The following SMARCAL1 variants were observed in gnomAD, a reference collection of about 807,000 sequenced individuals.
SMARCAL1 encodes the protein SNF2 related chromatin remodeling annealing helicase 1, also known as ATP-driven annealing helicase.
A neutral mutation model predicts 94.5 loss-of-function variants in SMARCAL1; 58 were observed. That is an observed-to-expected ratio of 0.61 (90% CI 0.50 to 0.76). The LOEUF (loss-of-function observed/expected upper bound fraction) is 0.76, where lower values mean the gene tolerates loss of function less well. Among genes scored for constraint, SMARCAL1 ranks in the 30% least tolerant of loss-of-function variants. SMARCAL1 has a pLI of 0.00. For missense variants in SMARCAL1, 1,051 were observed against 1,177.9 expected, an observed-to-expected ratio of 0.89 and a Z score of 1.58; for synonymous variants, 422 against 455.1, an observed-to-expected ratio of 0.93 and a Z score of 0.93.
intron 12 of SMARCAL1, among the ~76,000 whole-genome samples, chr2:216,460,500 G>C (rs1306643503): frequency 6.6e-6 from 1 of 152,140 alleles, no homozygotes; most frequent in Non-Finnish European, 1.5e-5. Flanking sequence ...GGAATACTAT[G>C]CAGCTATGAG....
At position 216,475,739 on chromosome 2, in the gene SMARCAL1, C is replaced by T. The variant is rs745619672; in HGVS notation, c.2427+288C>T. On this transcript the variant is annotated intron_variant, in intron 15 of 17. Transcript: ENST00000357276. The surrounding 1 kb of genome is among the most constrained non-coding windows in gnomAD (Gnocchi z 4.4). Reference sequence around the variant, plus strand: ...AAGCGATTCCCCTGCCTCAGCCTCCCGAGTAGCTAGGATTACAGGTGTGAG... The same window carrying T: ...AAGCGATTCCCCTGCCTCAGCCTCCTGAGTAGCTAGGATTACAGGTGTGAG... Among the ~76,000 whole-genome samples the T allele has an allele frequency of 6.6e-5, 10 of 152,116 alleles. No homozygotes were observed. In the South Asian group the frequency reaches 1.3e-3, roughly 19 times the overall value.
chr2:216,458,046 T>C (rs1210519626), intron 12 of SMARCAL1, among the ~76,000 whole-genome samples: 2 of 151,952 alleles, frequency 1.3e-5, no homozygotes, highest in African/African-American at 2.4e-5. Flanking sequence ...ATCAGAGATA[T>C]TATAAACACC....
intron 5 of SMARCAL1, among the ~76,000 whole-genome samples, chr2:216,421,493 T>C (rs1053136051): frequency 2.0e-5 from 3 of 152,146 alleles, no homozygotes; most frequent in Admixed American, 6.5e-5. Context: ...AAGTAAGGTT[T>C]CATCATGTTG....
chr2:216,449,823 G>A (rs964649107), intron 11 of SMARCAL1, among the ~76,000 whole-genome samples: 76 of 151,614 alleles, frequency 5.0e-4, no homozygotes, highest in South Asian at 2.7e-3. Context: ...TGAGGGATAG[G>A]GTTTTTAATG....
intron 17 of SMARCAL1, among the ~76,000 whole-genome samples, chr2:216,480,042 AC>A (rs1695163583): frequency 1.3e-5 from 2 of 152,150 alleles, no homozygotes. Flanking sequence ...ACAGAGACAG[AC>A]CTTGTCTCAA....
intron 5 of SMARCAL1, among the ~76,000 whole-genome samples, chr2:216,422,867 T>G (rs1693754648): frequency 6.6e-6 from 1 of 152,246 alleles, no homozygotes; most frequent in Non-Finnish European, 1.5e-5. Flanking sequence ...GGTAGAAAGA[T>G]GCTCACCTTT....
At chr2:216,468,092 C>A in intron 14 of SMARCAL1, 46 bp downstream of exon 14, 1 of 1,367,608 alleles carries the variant, frequency 7.3e-7, no homozygotes, top group South Asian at 1.2e-5. Context: ...TGCCATGTCC[C>A]AAGTTGTTCT....
chr2:216,447,271 G>A (rs1694339744), intron 11 of SMARCAL1, 113 bp downstream of exon 11: 14 of 1,321,102 alleles, frequency 1.1e-5, no homozygotes, highest in Non-Finnish European at 1.5e-5. Context: ...CTGGCCAGGG[G>A]AATGGATTTT....
At chr2:216,459,346 T>C (rs1314450170) in intron 12 of SMARCAL1, among the ~76,000 whole-genome samples, 1 of 152,162 alleles carries the variant, frequency 6.6e-6, no homozygotes, top group Non-Finnish European at 1.5e-5. Context: ...TTAAAGTTCA[T>C]ATGGAACCAA....
intron 12 of SMARCAL1, among the ~76,000 whole-genome samples, chr2:216,454,004 T>A (rs1333910541): frequency 6.6e-6 from 1 of 152,250 alleles, no homozygotes; most frequent in Non-Finnish European, 1.5e-5. Flanking sequence ...TCATCTTTTG[T>A]CTAAAGCCAT....
intron 12 of SMARCAL1, among the ~76,000 whole-genome samples, chr2:216,457,787 C>G (rs1574472301): frequency 6.6e-6 from 1 of 152,048 alleles, no homozygotes; most frequent in Admixed American, 6.6e-5. Context: ...ACTAGAGAAG[C>G]AAGAGCAAAC....
intron 5 of SMARCAL1, among the ~76,000 whole-genome samples, chr2:216,422,180 G>C (rs769323548): frequency 6.6e-6 from 1 of 152,062 alleles, no homozygotes; most frequent in Non-Finnish European, 1.5e-5. Context: ...ACAGGAGTTC[G>C]AGACCAGCCT....
chr2:216,465,479 C>CA (rs145550132), intron 13 of SMARCAL1, among the ~76,000 whole-genome samples: 12,282 of 152,200 alleles, frequency 0.081, 1,214 homozygotes, highest in African/African-American at 0.23. Flanking sequence ...AGACAAATGT[C>CA]AAAGTTTGTT....
In SMARCAL1 at chr2:216,428,633, C is replaced by T. The variant is rs1420647752; in HGVS notation, c.1185C>T (p.Asp395=). 1.9e-6 allele frequency: 3 copies of T among 1,614,024 alleles called. No homozygotes were observed. The highest frequency in any genetic ancestry group is 2.5e-6 in the Non-Finnish European group (3 of 1,180,044). ...KVRCLPQVQL[D]PLPTTLTLAF... ...GCTGCCTCCCACAAGTTCAGCTGGACCCTCTGCCCACGACTCTCACCCTGG... is the reference window on the plus strand; with the variant it reads ...GCTGCCTCCCACAAGTTCAGCTGGATCCTCTGCCCACGACTCTCACCCTGG... The change falls in exon 7 of 18, where the codon GAC becomes GAT. Residue 395 remains aspartate (D), a synonymous_variant. Transcript: ENST00000357276.
At chr2:216,439,967 G>C (rs1209457357) in intron 10 of SMARCAL1, among the ~76,000 whole-genome samples, 1 of 151,828 alleles carries the variant, frequency 6.6e-6, no homozygotes, top group Non-Finnish European at 1.5e-5. Flanking sequence ...GCTTGAACCT[G>C]GGAGGCAGAG....
intron 6 of SMARCAL1, among the ~76,000 whole-genome samples, chr2:216,428,181 T>C (rs867676490): frequency 1.3e-5 from 2 of 152,232 alleles, no homozygotes; most frequent in Non-Finnish European, 2.9e-5. Flanking sequence ...GTAGTTCCAC[T>C]GCCAGAGGTC....
chr2:216,472,856 C>T (rs185160976), intron 14 of SMARCAL1, among the ~76,000 whole-genome samples: 17 of 152,044 alleles, frequency 1.1e-4, no homozygotes, highest in East Asian at 7.7e-4. Flanking sequence ...TGAAAGTGTA[C>T]GAAGATGGAC....
At chr2:216,457,795 A>AG (rs999326854) in intron 12 of SMARCAL1, among the ~76,000 whole-genome samples, 4 of 152,062 alleles carry the variant, frequency 2.6e-5, no homozygotes, top group Middle Eastern at 3.2e-3. Flanking sequence ...AGCAAGAGCA[A>AG]ACATTCAAAA....
chr2:216,416,950 T>G (rs545516338), intron 4 of SMARCAL1, among the ~76,000 whole-genome samples: 27 of 152,328 alleles, frequency 1.8e-4, no homozygotes, highest in African/African-American at 5.5e-4. Context: ...CACTAAAGTT[T>G]TTGTCACTTG....
Sources: allele counts gnomAD v4.1 joint callset (sites outside exome capture counted in the v4.1 genomes callset), GRCh38; gene constraint gnomAD v4.1.1; non-coding constraint Gnocchi (gnomAD v3.1); transcripts MANE v1.5; gene names NCBI Gene and HGNC (gene_info 2026-07-23, HGNC 2026-07-21).